SGCZ: variants seen among roughly 807,000 people sequenced by gnomAD.
SGCZ encodes sarcoglycan zeta, also known as zeta-sarcoglycan.
A neutral mutation model predicts 41.3 loss-of-function variants in SGCZ; 40 were observed. That is an observed-to-expected ratio of 0.97 (90% CI 0.75 to 1.26). SGCZ has a LOEUF of 1.26. Among genes scored for constraint, SGCZ ranks in the 50% most tolerant of loss-of-function variants. SGCZ has a pLI of 0.00. For synonymous variants in SGCZ, 206 were observed against 137.5 expected, an observed-to-expected ratio of 1.50 and a Z score of -3.49; for missense variants, 552 against 369.8, an observed-to-expected ratio of 1.49 and a Z score of -4.04.
At chr8:15,234,596 A>G (rs1450119493) in intron 1 of SGCZ, among the ~76,000 whole-genome samples, 2 of 152,206 alleles carry the variant, frequency 1.3e-5, no homozygotes, top group African/African-American at 4.8e-5. Flanking sequence ...TCAGTTTTCC[A>G]TCAAATAAAT....
At position 14,489,866 on chromosome 8, in the gene SGCZ, C is replaced by CATTTTTTTTTTTTTTTTTTT. The variant is rs142314868; in HGVS notation, c.234+64865_234+64866insAAAAAAAAAAAAAAAAAAAT. ...ACTGGCTCGCCGAAAAATTCTCCTA[C>CATTTTTTTTTTTTTTTTTTT]CTTTTTTTTTTTTTTCCTGAGATGG... On this transcript the variant is annotated intron_variant, in intron 2 of 7. Coordinates refer to ENST00000382080, the MANE Select transcript of SGCZ (RefSeq NM_139167.4). Among the ~76,000 whole-genome samples, 6 of 137,480 alleles carry CATTTTTTTTTTTTTTTTTTT rather than the reference C, an allele frequency of 4.4e-5. 1 individual carries two copies. The highest frequency in any genetic ancestry group is 1.1e-4 in the African/African-American group (4 of 35,030). The allele number at this position is 137,480 out of a possible 152,430, so 90.2% of individuals were successfully genotyped here. A position where few individuals can be genotyped will look rare whatever the true frequency, so the allele number is the denominator to read the frequency against.
chr8:14,344,384 A>G (rs1239744174), intron 2 of SGCZ, among the ~76,000 whole-genome samples: 1 of 152,142 alleles, frequency 6.6e-6, no homozygotes, highest in African/African-American at 2.4e-5. Context: ...AGGCTAATGC[A>G]AATCAAAAAG....
At chr8:15,031,226 C>T (rs1028179418) in intron 1 of SGCZ, among the ~76,000 whole-genome samples, 2 of 152,082 alleles carry the variant, frequency 1.3e-5, no homozygotes, top group Non-Finnish European at 2.9e-5. Context: ...CCCAGGATGG[C>T]AGAATAGGTT....
intron 5 of SGCZ, among the ~76,000 whole-genome samples, chr8:14,136,885 A>G (rs1459628185): frequency 4.8e-4 from 73 of 152,174 alleles, no homozygotes; most frequent in Non-Finnish European, 4.4e-5. Context: ...TCTAAATGGG[A>G]AACACTTCCC....
At chr8:14,097,424 C>CTGAG (rs1340523857) in intron 7 of SGCZ, among the ~76,000 whole-genome samples, 7 of 152,124 alleles carry the variant, frequency 4.6e-5, no homozygotes, top group Non-Finnish European at 5.9e-5. Flanking sequence ...TTTCTTAATC[C>CTGAG]TGAGTTCTAA....
At chr8:14,177,262 T>C (rs2117013258) in intron 4 of SGCZ, among the ~76,000 whole-genome samples, 1 of 152,220 alleles carries the variant, frequency 6.6e-6, no homozygotes, top group South Asian at 2.1e-4. Context: ...CCAAATGTGC[T>C]GTTGTTGCAA....
chr8:14,504,885 G>C (rs910688179), intron 2 of SGCZ, among the ~76,000 whole-genome samples: 1 of 152,004 alleles, frequency 6.6e-6, no homozygotes, highest in Non-Finnish European at 1.5e-5. Flanking sequence ...TTTATAAATT[G>C]TGATTCCTAA....
intron 1 of SGCZ, among the ~76,000 whole-genome samples, chr8:14,807,822 T>G (rs1801595828): frequency 6.6e-6 from 1 of 152,194 alleles, no homozygotes; most frequent in South Asian, 2.1e-4. Context: ...ACTATCTGAC[T>G]TCAAACTGTA....
intron 1 of SGCZ, among the ~76,000 whole-genome samples, chr8:14,726,331 T>TCTATATATATCTATATAC (rs1563228580): frequency 1.4e-4 from 20 of 144,530 alleles, no homozygotes; most frequent in African/African-American, 4.2e-4. Context: ...TATCTATATA[T>TCTATATATATCTATATAC]ATATATATAT....
chr8:15,011,095 T>A (rs141932693), intron 1 of SGCZ, among the ~76,000 whole-genome samples: 1 of 152,338 alleles, frequency 6.6e-6, no homozygotes, highest in East Asian at 1.9e-4. Context: ...CTTATCTTCT[T>A]GTTTGCTTTT....
At chr8:14,230,609 C>T (rs1374532702) in intron 4 of SGCZ, among the ~76,000 whole-genome samples, 1 of 152,048 alleles carries the variant, frequency 6.6e-6, no homozygotes, top group Non-Finnish European at 1.5e-5. Context: ...ATGATTTCCA[C>T]ATGAAAATAC....
chr8:14,871,873 T>C (rs1382776145), intron 1 of SGCZ, among the ~76,000 whole-genome samples: 2 of 149,300 alleles, frequency 1.3e-5, no homozygotes, highest in East Asian at 1.9e-4. Flanking sequence ...TATATATATG[T>C]ATGTATATAT....
chr8:14,609,503 C>T (rs892788518), intron 1 of SGCZ, among the ~76,000 whole-genome samples: 4 of 152,130 alleles, frequency 2.6e-5, no homozygotes, highest in African/African-American at 9.7e-5. Context: ...ATGAAAAGTA[C>T]TGCATGAAAA....
chr8:14,737,082 A>G (rs1222503586), intron 1 of SGCZ, among the ~76,000 whole-genome samples: 1 of 149,116 alleles, frequency 6.7e-6, no homozygotes, highest in Non-Finnish European at 1.5e-5. Flanking sequence ...TATCTGGTAT[A>G]TAAGATATAT....
At position 14,674,936 on chromosome 8, in the gene SGCZ, T is replaced by C. The variant is rs1195891325; in HGVS notation, c.40-120010A>G. Among the ~76,000 whole-genome samples, 104 of 101,450 alleles carry C rather than the reference T, an allele frequency of 1.0e-3. 4 individuals are homozygous for C. Among genetic ancestry groups the C allele is most frequent in the Middle Eastern group, 9.7e-3 (2 of 206 alleles). The allele number at this position is 101,450 out of a possible 152,430, so 66.6% of individuals were successfully genotyped here. ...AACCTCTTTTCTTTTCTGTTTTTTT[T>C]TTTTTTTTTTTTTTTTTTTTGAGAT... On this transcript the variant is annotated intron_variant, in intron 1 of 7. Coordinates refer to ENST00000382080, the MANE Select transcript of SGCZ (RefSeq NM_139167.4).
chr8:14,982,090 C>T (rs1801681813), intron 1 of SGCZ, among the ~76,000 whole-genome samples: 1 of 151,008 alleles, frequency 6.6e-6, no homozygotes, highest in Non-Finnish European at 1.5e-5. Flanking sequence ...GCGGAGTTTG[C>T]AGTGAGCCAG....
rs189436528 is a variant in SGCZ at position 14,877,465 on chromosome 8, A to G, written c.40-322539T>C. Among the ~76,000 whole-genome samples, 706 of 152,300 alleles carry G rather than the reference A, an allele frequency of 4.6e-3. 4 individuals carry two copies. Among genetic ancestry groups the G allele is most frequent in the South Asian group, 0.018 (87 of 4,824 alleles). On this transcript the variant is annotated intron_variant, in intron 1 of 7. Coordinates refer to ENST00000382080, the MANE Select transcript of SGCZ (RefSeq NM_139167.4). ...TTGAAAATCCAACTGCTTCTAAATCATGATAATTGCTTTAATTTTATTTCC... is the reference window on the plus strand; with the variant it reads ...TTGAAAATCCAACTGCTTCTAAATCGTGATAATTGCTTTAATTTTATTTCC...
At chr8:14,910,269 T>C (rs557015196) in intron 1 of SGCZ, among the ~76,000 whole-genome samples, 2 of 152,218 alleles carry the variant, frequency 1.3e-5, no homozygotes, top group South Asian at 4.1e-4. Context: ...CTCTAATTTA[T>C]AATGATTTTC....
chr8:14,378,062 G>C (rs1371259963), intron 2 of SGCZ, among the ~76,000 whole-genome samples: 1 of 149,780 alleles, frequency 6.7e-6, no homozygotes, highest in Non-Finnish European at 1.5e-5. Flanking sequence ...GGATGGCTGG[G>C]TCAAATAGTA....
Sources: gnomAD v4.1 joint callset for allele counts (sites outside exome capture counted in the v4.1 genomes callset) on GRCh38, gnomAD v4.1.1 for gene constraint, MANE v1.5 for transcripts, NCBI Gene and HGNC (gene_info 2026-07-23, HGNC 2026-07-21) for gene names.